Variants in IPCEF1 observed in about 807,000 individuals in gnomAD.
IPCEF1 encodes the protein interactor protein for cytohesin exchange factors 1.
In IPCEF1, 31 loss-of-function variants were observed where a neutral mutation model predicts 50.9. The ratio of observed to expected loss-of-function variants is 0.61; its 90% confidence interval spans 0.46 to 0.82. IPCEF1 has a LOEUF of 0.82. IPCEF1 is among the 40% of genes least tolerant of loss of function. The pLI is 0.00. For missense variants in IPCEF1, 458 were observed against 514.0 expected (o/e 0.89, Z 1.05); for synonymous variants, 181 against 192.0 (o/e 0.94, Z 0.47).
At chr6:154,296,993 C>G (rs968179249) in intron 1 of IPCEF1, among the ~76,000 whole-genome samples, 6 of 152,126 alleles carry the variant, frequency 3.9e-5, no homozygotes, top group Non-Finnish European at 7.4e-5. Flanking sequence ...TGACGCTGCT[C>G]TCTCTGCTTC....
chr6:154,171,715 C>T (rs1360985765), intron 10 of IPCEF1, among the ~76,000 whole-genome samples: 1 of 152,146 alleles, frequency 6.6e-6, no homozygotes, highest in Non-Finnish European at 1.5e-5. Context: ...AGCATGGCCA[C>T]AGTCATGGGG....
intron 3 of IPCEF1, among the ~76,000 whole-genome samples, chr6:154,255,766 G>A (rs548657568): frequency 1.4e-4 from 21 of 152,044 alleles, no homozygotes; most frequent in African/African-American, 5.1e-4. Flanking sequence ...CTGCTTCCAA[G>A]TTACTAATAC....
rs144326625 is a variant in IPCEF1 at position 154,183,054 on chromosome 6, A to T, written c.911-14941T>A. On this transcript the variant is annotated intron_variant, in intron 10 of 11. Transcript: ENST00000367220. Reference sequence around the variant, plus strand: ...GAGTGCAGTGGTGTGATCTCAGCTCACTGCAACCTCTGCCTCCCAGGTTCA... The same window carrying T: ...GAGTGCAGTGGTGTGATCTCAGCTCTCTGCAACCTCTGCCTCCCAGGTTCA... Among the ~76,000 whole-genome samples the T allele has an allele frequency of 8.6e-3, 1,301 of 151,594 alleles. 9 individuals are homozygous for T. The highest frequency in any genetic ancestry group is 0.028 in the African/African-American group (1,159 of 41,292).
In IPCEF1 at chr6:154,231,996, G is replaced by A. The variant is rs181785401; in HGVS notation, c.247-8753C>T. On this transcript the variant is annotated intron_variant, in intron 5 of 11. Coordinates refer to ENST00000367220, the MANE Select transcript of IPCEF1 (RefSeq NM_001130700.2). ...ACGTATTTCATGGCAAATAGGCTAAGTAAGGACTCTTCGTAGTGACATGTT... is the reference window on the plus strand; with the variant it reads ...ACGTATTTCATGGCAAATAGGCTAAATAAGGACTCTTCGTAGTGACATGTT... Among the ~76,000 whole-genome samples, 26 of 152,316 alleles carry A rather than the reference G, an allele frequency of 1.7e-4. No homozygotes were observed. In the East Asian group the frequency reaches 4.8e-3, roughly 28 times the overall value.
intron 1 of IPCEF1, among the ~76,000 whole-genome samples, chr6:154,343,920 A>G (rs1783971901): frequency 6.6e-6 from 1 of 152,320 alleles, no homozygotes; most frequent in East Asian, 1.9e-4. Context: ...GCCTGGCAGC[A>G]TGGCCGACCT....
intron 5 of IPCEF1, among the ~76,000 whole-genome samples, chr6:154,227,996 AAT>A (rs1779399432): frequency 6.6e-6 from 1 of 152,088 alleles, no homozygotes; most frequent in Non-Finnish European, 1.5e-5. Context: ...GCAAAAAAAA[AAT>A]GCCTCAAAAA....
rs1798832123 is a variant in IPCEF1 at position 154,159,189 on chromosome 6, G to T, written c.*639C>A. Reference sequence around the variant, plus strand: ...AGATCCCCTAACCTGCATAAAGTGTGAAAACACCAAGCTGTCCTTTGAATG... The same window carrying T: ...AGATCCCCTAACCTGCATAAAGTGTTAAAACACCAAGCTGTCCTTTGAATG... On this transcript the variant is annotated 3_prime_UTR_variant, in exon 12 of 12. Coordinates refer to ENST00000367220, the MANE Select transcript of IPCEF1 (RefSeq NM_001130700.2). 1 of 152,662 alleles carries T rather than the reference G, an allele frequency of 6.6e-6. No individual in the cohort carries two copies. Among genetic ancestry groups the T allele is most frequent in the Non-Finnish European group, 1.5e-5 (1 of 68,242 alleles). 9.5% of individuals were successfully genotyped at this position (152,662 alleles called of 1,614,324 possible). A position where few individuals can be genotyped will look rare whatever the true frequency, so the allele number is the denominator to read the frequency against.
chr6:154,234,792 C>T (rs1583867606), intron 5 of IPCEF1, among the ~76,000 whole-genome samples: 1 of 152,202 alleles, frequency 6.6e-6, no homozygotes, highest in Non-Finnish European at 1.5e-5. Context: ...TACTAGTGAA[C>T]TTTCAGGTAG....
intron 11 of IPCEF1, among the ~76,000 whole-genome samples, chr6:154,161,215 A>AT (rs778278528): frequency 0.11 from 15,198 of 133,778 alleles, 998 homozygotes; most frequent in East Asian, 0.25. Context: ...TTTTCTTTTC[A>AT]TTTTTTTTTT....
At chr6:154,167,321 C>A (rs892651128) in intron 11 of IPCEF1, among the ~76,000 whole-genome samples, 1 of 152,210 alleles carries the variant, frequency 6.6e-6, no homozygotes, top group African/African-American at 2.4e-5. Context: ...ACTTCCTGTA[C>A]ACTTTCCCTT....
rs35691566 is a variant in IPCEF1 at position 154,283,291 on chromosome 6, CAA to C, written c.-18+6420_-18+6421del. ...GGGGCACAAGAGTGAAACTCCATCT[CAA>C]AAAAAAAAAAAAAAAAAAGAGGGCC... On this transcript the variant is annotated intron_variant, in intron 2 of 11. Coordinates refer to ENST00000367220, the MANE Select transcript of IPCEF1 (RefSeq NM_001130700.2). Among the ~76,000 whole-genome samples the C allele has an allele frequency of 2.0e-3, 132 of 66,348 alleles. 1 individual carries two copies. The highest frequency in any genetic ancestry group is 0.014 in the South Asian group (23 of 1,624). 43.5% of individuals were successfully genotyped at this position (66,348 alleles called of 152,430 possible).
chr6:154,354,546 T>TACCACCTCCACCATCTCCTCCACC (rs1784182053), intron 1 of IPCEF1, among the ~76,000 whole-genome samples: 1 of 118,708 alleles, frequency 8.4e-6, no homozygotes, highest in Admixed American at 9.2e-5. Context: ...CCATCTCCAT[T>TACCACCTCCACCATCTCCTCCACC]ACCACCTCCA....
chr6:154,253,861 TCTTAA>T (rs775767595), intron 3 of IPCEF1, among the ~76,000 whole-genome samples: 13 of 152,200 alleles, frequency 8.5e-5, no homozygotes, highest in South Asian at 4.1e-4. Flanking sequence ...TAATGTCTGC[TCTTAA>T]CTTATTACCC....
intron 1 of IPCEF1, among the ~76,000 whole-genome samples, chr6:154,306,242 CT>C (rs1782928883): frequency 6.6e-6 from 1 of 152,120 alleles, no homozygotes; most frequent in Non-Finnish European, 1.5e-5. Flanking sequence ...CCAGAACCCC[CT>C]ACCTTGTCTT....
chr6:154,311,975 G>T (rs1273734446), intron 1 of IPCEF1, among the ~76,000 whole-genome samples: 1 of 151,940 alleles, frequency 6.6e-6, no homozygotes, highest in Non-Finnish European at 1.5e-5. Context: ...TTACCCAAAA[G>T]AAATGAAATC....
At chr6:154,163,713 A>C (rs1799207159) in intron 11 of IPCEF1, among the ~76,000 whole-genome samples, 1 of 152,198 alleles carries the variant, frequency 6.6e-6, no homozygotes, top group Non-Finnish European at 1.5e-5. Flanking sequence ...TGAATAAATG[A>C]ATTACCAATT....
intron 1 of IPCEF1, among the ~76,000 whole-genome samples, chr6:154,341,097 G>A (rs1485352280): frequency 6.6e-6 from 1 of 152,140 alleles, no homozygotes; most frequent in African/African-American, 2.4e-5. Flanking sequence ...GAGACAAGCT[G>A]TTGCATTCTT....
In IPCEF1 at chr6:154,225,683, C is replaced by G. The variant is rs566231380; in HGVS notation, c.247-2440G>C. Among the ~76,000 whole-genome samples, 29 of 152,242 alleles carry G rather than the reference C, an allele frequency of 1.9e-4. No homozygotes were observed. The South Asian group carries it at 5.8e-3, about 31-fold the overall frequency. On this transcript the variant is annotated intron_variant, in intron 5 of 11. Coordinates refer to ENST00000367220, the MANE Select transcript of IPCEF1 (RefSeq NM_001130700.2). ...AATCTAGATAGATGAGGGGGTTGCA[C>G]AACATTGTGAATGTATTAAATGCCA...
chr6:154,246,564 G>A, intron 5 of IPCEF1, 27 bp downstream of exon 5: 6 of 1,589,250 alleles, frequency 3.8e-6, no homozygotes, highest in Non-Finnish European at 4.3e-6. Context: ...AAAACGGCTG[G>A]GAATAGGAGG....
Sources: allele counts gnomAD v4.1 joint callset (sites outside exome capture counted in the v4.1 genomes callset), GRCh38; gene constraint gnomAD v4.1.1; transcripts MANE v1.5; gene names NCBI Gene and HGNC (gene_info 2026-07-23, HGNC 2026-07-21).